PKHD1L1: variants seen among roughly 807,000 people sequenced by gnomAD.
The protein encoded by PKHD1L1 is fibrocystin-L.
A neutral mutation model predicts 462.9 loss-of-function variants in PKHD1L1; 434 were observed. The observed-to-expected ratio is 0.94, with a 90% CI of 0.87 to 1.02. The LOEUF (loss-of-function observed/expected upper bound fraction) is 1.02. Among genes scored for constraint, PKHD1L1 ranks in the 50% least tolerant of loss-of-function variants. The probability of loss-of-function intolerance (pLI) is 0.00; values close to 1 mark genes in which losing one functional copy is unlikely to be tolerated. For synonymous variants in PKHD1L1, 1,781 were observed against 1,750.0 expected (o/e 1.02, Z -0.44); for missense variants, 5,202 against 5,096.1 (o/e 1.02, Z -0.63).
chr8:109,490,877 T>C, intron 60 of PKHD1L1, 95 bp from the exon 61 acceptor site: 1 of 1,132,828 alleles, frequency 8.8e-7, no homozygotes, highest in Non-Finnish European at 1.2e-6. Flanking sequence ...TGATTATTGA[T>C]AAAGGTTTGT....
intron 21 of PKHD1L1, among the ~76,000 whole-genome samples, chr8:109,415,864 G>GGGTGTGTGT (rs1412111334): frequency 5.8e-4 from 58 of 100,414 alleles, no homozygotes; most frequent in African/African-American, 2.0e-3. Context: ...AAAAAAAAGG[G>GGGTGTGTGT]GTGTGTGTGT....
chr8:109,509,355 T>C (rs1428540342), intron 70 of PKHD1L1, among the ~76,000 whole-genome samples: 7 of 152,096 alleles, frequency 4.6e-5, no homozygotes. Context: ...GTGAAAAAGA[T>C]TTCATTGTCT....
At chr8:109,529,919 C>T (rs1390120450) in intron 77 of PKHD1L1, among the ~76,000 whole-genome samples, 161 bp from the exon 78 acceptor site, 1 of 151,774 alleles carries the variant, frequency 6.6e-6, no homozygotes. Flanking sequence ...TAAGTTTCTA[C>T]AAAAAAACCA....
chr8:109,413,791 AAC>A (rs1813985955), intron 21 of PKHD1L1, among the ~76,000 whole-genome samples: 1 of 152,150 alleles, frequency 6.6e-6, no homozygotes, highest in Admixed American at 6.5e-5. Context: ...AGTCACCCAT[AAC>A]CATAAAAAGA....
chr8:109,443,117 G>T lies in PKHD1L1; in HGVS notation c.4564+1G>T. ...CGCTCTGAAGCCACATATGCTTATG[G>T]TAAGATGGTTAAAGATGGAAACTCT... On this transcript the variant is annotated splice_donor_variant, in intron 36 of 77. Coordinates refer to ENST00000378402, the MANE Select transcript of PKHD1L1 (RefSeq NM_177531.6). LOFTEE classifies it high-confidence loss of function. The T allele has an allele frequency of 6.2e-7, 1 of 1,612,678 alleles. No individual in the cohort carries two copies.
chr8:109,486,879 G>A (rs1350500085), intron 59 of PKHD1L1, 58 bp downstream of exon 59: 1 of 1,464,518 alleles, frequency 6.8e-7, no homozygotes, highest in Non-Finnish European at 9.3e-7. Flanking sequence ...TCATCTATAT[G>A]TAGTCAGCTC....
intron 57 of PKHD1L1, among the ~76,000 whole-genome samples, chr8:109,483,776 T>C (rs1166826543): frequency 6.6e-6 from 1 of 151,628 alleles, no homozygotes; most frequent in African/African-American, 2.4e-5. Flanking sequence ...TCACTTCTAA[T>C]TTATGATTTT....
At chr8:109,397,166 C>T (rs180717592) in intron 11 of PKHD1L1, among the ~76,000 whole-genome samples, 2 of 152,278 alleles carry the variant, frequency 1.3e-5, no homozygotes, top group East Asian at 3.9e-4. Flanking sequence ...GACTATCATA[C>T]AGTTGATATG....
At chr8:109,446,078 C>A (rs1330112019) in intron 38 of PKHD1L1, among the ~76,000 whole-genome samples, 1 of 152,036 alleles carries the variant, frequency 6.6e-6, no homozygotes, top group Non-Finnish European at 1.5e-5. Flanking sequence ...TATTAGCATG[C>A]CAGAATTCTT....
chr8:109,487,430 TCCTCCCTCCCTC>T (rs202032081), intron 59 of PKHD1L1, among the ~76,000 whole-genome samples: 1 of 150,894 alleles, frequency 6.6e-6, no homozygotes, highest in Non-Finnish European at 1.5e-5. Context: ...TTCCCCAGTA[TCCTCCCTCCCTC>T]CCTCCCTCCC....
chr8:109,505,791 G>A (rs1340886553), intron 68 of PKHD1L1, among the ~76,000 whole-genome samples: 1 of 152,110 alleles, frequency 6.6e-6, no homozygotes, highest in Non-Finnish European at 1.5e-5. Context: ...TGTGGTCCTA[G>A]CTACTCAGGA....
chr8:109,364,936 A>T (rs1254023382), intron 2 of PKHD1L1, among the ~76,000 whole-genome samples: 1 of 152,230 alleles, frequency 6.6e-6, no homozygotes, highest in Admixed American at 6.5e-5. Flanking sequence ...ATTCTTCATG[A>T]GTCTAATAAC....
chr8:109,373,585 A>C (rs1811636309), intron 2 of PKHD1L1, among the ~76,000 whole-genome samples: 1 of 152,014 alleles, frequency 6.6e-6, no homozygotes, highest in African/African-American at 2.4e-5. Flanking sequence ...TAGTTCTTTT[A>C]ATTGTAATGT....
rs1813205918 is a variant in PKHD1L1 at position 109,400,274 on chromosome 8, A to T, written c.1211A>T (p.Tyr404Phe). 6.2e-7 allele frequency: 1 copy of T among 1,613,496 alleles called. No individual in the cohort carries two copies. Among genetic ancestry groups the T allele is most frequent in the Non-Finnish European group, 8.5e-7 (1 of 1,179,648 alleles). ...TTGGTGGCTCCAGATTCTGATGTTTATAGATTCTACATCAAGGGTGATGAC... is the reference window on the plus strand; with the variant it reads ...TTGGTGGCTCCAGATTCTGATGTTTTTAGATTCTACATCAAGGGTGATGAC... ...GFLVAPDSDV[Y>F]RFYIKGDDRY... is the part of the protein sequence containing the mutation. Residue 404 changes from tyrosine (Y) to phenylalanine (F), a missense_variant, in exon 13 of 78, where the codon TAT becomes TTT. Coordinates refer to ENST00000378402, the MANE Select transcript of PKHD1L1 (RefSeq NM_177531.6).
intron 72 of PKHD1L1, among the ~76,000 whole-genome samples, chr8:109,517,056 C>T (rs1289561725): frequency 6.6e-6 from 1 of 151,926 alleles, no homozygotes; most frequent in Non-Finnish European, 1.5e-5. Context: ...TGTATAGATC[C>T]ACAACACAGG....
chr8:109,513,344 G>A (rs1452262274), intron 71 of PKHD1L1, among the ~76,000 whole-genome samples: 1 of 152,028 alleles, frequency 6.6e-6, no homozygotes, highest in Admixed American at 6.6e-5. Context: ...ATCCAAAACT[G>A]ATCACTTGGA....
In PKHD1L1 at chr8:109,445,516, C is replaced by A. The variant is rs143689966; in HGVS notation, c.5647C>A (p.Arg1883Ser). Reference protein sequence around the residue: ...ISINPNEVYCRTPAGTTGMVD... With the variant: ...ISINPNEVYCSTPAGTTGMVD... ...CATCAACCCCAATGAAGTCTACTGC[C>A]GCACTCCCGCTGGGACCACTGGAAT... Residue 1883 changes from arginine to serine, a missense_variant, in exon 38 of 78, where the codon CGC (arginine) becomes AGC (serine). Physicochemically the swap from Arg to Ser is moderately radical, Grantham distance 110 (BLOSUM62 -1). This residue lies in a region of PKHD1L1 where 4,497 missense variants were observed against 4,336.8 expected (regional missense o/e 1.04). Coordinates refer to ENST00000378402, the MANE Select transcript of PKHD1L1 (RefSeq NM_177531.6). The A allele has an allele frequency of 1.2e-6, 2 of 1,613,438 alleles. No homozygotes were observed. The highest frequency in any genetic ancestry group is 1.3e-5 in the African/African-American group (1 of 74,872).
Position 109,522,882 on chromosome 8 carries a change from G to T in PKHD1L1, c.12322G>T (p.Asp4108Tyr). The T allele has an allele frequency of 6.2e-7, 1 of 1,602,376 alleles. No individual in the cohort carries two copies. The highest frequency in any genetic ancestry group is 8.5e-7 in the Non-Finnish European group (1 of 1,175,678). The change falls in exon 75 of 78, where the codon GAT (aspartate) becomes TAT (tyrosine). Residue 4108 changes from aspartate to tyrosine, a missense_variant. Coordinates refer to ENST00000378402, the MANE Select transcript of PKHD1L1 (RefSeq NM_177531.6). ...TCAGCAGCCTTCGGTAAAGGCAACA[G>T]ATTCTGACGTAAGTCATAACTCAAA... is the stretch of plus-strand genomic sequence containing the variant. ...FPQQPSVKATDSDGNCVSVGI... is the reference protein window; with the variant it reads ...FPQQPSVKATYSDGNCVSVGI...
chr8:109,506,257 C>T (rs1819684081), intron 68 of PKHD1L1, among the ~76,000 whole-genome samples: 1 of 152,160 alleles, frequency 6.6e-6, no homozygotes, highest in African/African-American at 2.4e-5. Context: ...TGGCAAATAA[C>T]AACCCATGGC....
Sources: gnomAD v4.1 joint callset for allele counts (sites outside exome capture counted in the v4.1 genomes callset) on GRCh38, gnomAD v4.1.1 for gene constraint, gnomAD v4.1.1 regional missense constraint, MANE v1.5 for transcripts, NCBI Gene and HGNC (gene_info 2026-07-23, HGNC 2026-07-21) for gene names.